ZNF563: variants seen among roughly 807,000 people sequenced by gnomAD.
The protein encoded by ZNF563 is zinc finger protein 563.
Under a neutral mutation model 48.5 loss-of-function variants are expected in ZNF563, and 39 were observed. The observed-to-expected ratio is 0.80, with a 90% CI of 0.62 to 1.05. The LOEUF (loss-of-function observed/expected upper bound fraction) is 1.05. Among genes scored for constraint, ZNF563 ranks in the 50% least tolerant of loss-of-function variants. The pLI, the probability that ZNF563 is intolerant of heterozygous loss-of-function variation, is 0.00. For missense variants in ZNF563, 538 were observed against 597.0 expected (o/e 0.90, Z 1.03); for synonymous variants, 168 against 187.9 (o/e 0.89, Z 0.87).
intron 2 of ZNF563, among the ~76,000 whole-genome samples, chr19:12,322,248 G>T (rs987781249): frequency 6.6e-6 from 1 of 151,970 alleles, no homozygotes; most frequent in Non-Finnish European, 1.5e-5. Flanking sequence ...TAGAGATGGG[G>T]TTTCACCACG....
chr19:12,320,078 C>T (rs1488459989), intron 3 of ZNF563, among the ~76,000 whole-genome samples: 1 of 152,082 alleles, frequency 6.6e-6, no homozygotes, highest in Non-Finnish European at 1.5e-5. Flanking sequence ...GCCACCACGC[C>T]CAGCTAATTT....
intron 1 of ZNF563, among the ~76,000 whole-genome samples, chr19:12,333,130 C>T (rs957603667): frequency 3.3e-5 from 5 of 152,186 alleles, no homozygotes; most frequent in African/African-American, 1.2e-4. Context: ...GATCACAGCT[C>T]CTCACAGGCA....
chr19:12,341,827 A>C, the ZNF563 span, among the ~76,000 whole-genome samples: 2 of 152,192 alleles, frequency 1.3e-5, no homozygotes, highest in Non-Finnish European at 2.9e-5. Flanking sequence ...TAAAGAAATG[A>C]AATAACTTCA....
chr19:12,333,617 T>A lies in ZNF563; in HGVS notation c.-135A>T. On this transcript the variant is annotated 5_prime_UTR_variant, in exon 1 of 4. Transcript: ENST00000293725. ...GAGGCTACACAGACGTTCCAGGGCG[T>A]CTCTCAGCGAGCGACTGAGTCTAGA... The A allele has an allele frequency of 7.5e-7, 1 of 1,340,208 alleles. No homozygotes were observed. Among genetic ancestry groups the A allele is most frequent in the South Asian group, 1.4e-5 (1 of 71,862 alleles). 83.0% of individuals were successfully genotyped at this position (1,340,208 alleles called of 1,614,324 possible). A position where few individuals can be genotyped will look rare whatever the true frequency, so the allele number is the denominator to read the frequency against.
chr19:12,334,762 G>A (rs552270221), upstream of ZNF563, among the ~76,000 whole-genome samples: 16 of 151,072 alleles, frequency 1.1e-4, no homozygotes, highest in African/African-American at 3.2e-4. Context: ...CCAGCTACTC[G>A]GGAGGCTGAG....
At chr19:12,328,786 TAATA>T (rs565783813) in intron 1 of ZNF563, among the ~76,000 whole-genome samples, 6 of 151,042 alleles carry the variant, frequency 4.0e-5, no homozygotes, top group African/African-American at 1.5e-4. Context: ...AATAAATAAA[TAATA>T]AATAAATAAA....
At chr19:12,340,746 C>T in the ZNF563 span, among the ~76,000 whole-genome samples, 1 of 151,846 alleles carries the variant, frequency 6.6e-6, no homozygotes, top group African/African-American at 2.4e-5. Flanking sequence ...CACTGCACTC[C>T]AGTCTGGGCG....
At chr19:12,334,624 T>C (rs891244091), upstream of ZNF563, among the ~76,000 whole-genome samples, 3 of 152,130 alleles carry the variant, frequency 2.0e-5, no homozygotes, top group African/African-American at 7.2e-5. Flanking sequence ...ATCCCAGCAC[T>C]TTGGGAGGCC....
intron 1 of ZNF563, 61 bp downstream of exon 1, chr19:12,333,419 G>A (rs1968972132): frequency 5.0e-6 from 8 of 1,606,650 alleles, no homozygotes; most frequent in Non-Finnish European, 6.8e-6. Context: ...GCCGCGGCCG[G>A]TTCTGGACGG....
At chr19:12,320,974 T>C (rs1968605426) in intron 3 of ZNF563, among the ~76,000 whole-genome samples, 1 of 151,828 alleles carries the variant, frequency 6.6e-6, no homozygotes, top group Non-Finnish European at 1.5e-5. Context: ...ACCCTGTCTC[T>C]ACAAAAAATA....
upstream of ZNF563, among the ~76,000 whole-genome samples, chr19:12,338,289 C>A (rs1969038970): frequency 6.6e-6 from 1 of 152,132 alleles, no homozygotes; most frequent in Admixed American, 6.5e-5. Context: ...GCTCTGACGC[C>A]CAGGCTGGAG....
chr19:12,342,879 G>A, the ZNF563 span, among the ~76,000 whole-genome samples: 8 of 152,140 alleles, frequency 5.3e-5, no homozygotes, highest in South Asian at 1.7e-3. Context: ...CAATGGCAGT[G>A]CTAAGAGAAA....
At chr19:12,332,074 GTATT>G (rs1338915536) in intron 1 of ZNF563, among the ~76,000 whole-genome samples, 1 of 152,138 alleles carries the variant, frequency 6.6e-6, no homozygotes, top group Admixed American at 6.5e-5. Flanking sequence ...TTAAAATACT[GTATT>G]TGTTTGAAAT....
chr19:12,340,416 A>C, the ZNF563 span, among the ~76,000 whole-genome samples: 1 of 152,196 alleles, frequency 6.6e-6, no homozygotes, highest in Non-Finnish European at 1.5e-5. Context: ...AGGTAGGACC[A>C]CTTCGGCTTA....
At chr19:12,341,295 G>A in the ZNF563 span, among the ~76,000 whole-genome samples, 4 of 152,010 alleles carry the variant, frequency 2.6e-5, no homozygotes, top group African/African-American at 4.8e-5. Flanking sequence ...CAAATGATCC[G>A]CCTGCCTCAG....
chr19:12,320,072 C>T (rs1046584592), intron 3 of ZNF563, among the ~76,000 whole-genome samples: 1 of 152,100 alleles, frequency 6.6e-6, no homozygotes, highest in East Asian at 1.9e-4. Flanking sequence ...GCATACGCCA[C>T]CACGCCCAGC....
Position 12,333,367 on chromosome 19 carries a change from G to A in ZNF563, c.3+113C>T, listed in dbSNP as rs541543172. 2.1e-5 allele frequency: 30 copies of A among 1,442,570 alleles called. No individual in the cohort carries two copies. The East Asian group carries it at 7.3e-4, about 35-fold the overall frequency. 89.4% of individuals were successfully genotyped at this position (1,442,570 alleles called of 1,614,324 possible). On this transcript the variant is annotated intron_variant, in intron 1 of 3. Coordinates refer to ENST00000293725, the MANE Select transcript of ZNF563 (RefSeq NM_145276.3). ...GGTCGAGCTGCGCCAGGGGGACTCGGGTCCCAGACCCCGGAGCTGACGGCG... is the reference window on the plus strand; with the variant it reads ...GGTCGAGCTGCGCCAGGGGGACTCGAGTCCCAGACCCCGGAGCTGACGGCG...
intron 1 of ZNF563, among the ~76,000 whole-genome samples, chr19:12,324,552 T>C (rs1192993850): frequency 2.0e-5 from 3 of 151,770 alleles, no homozygotes; most frequent in Non-Finnish European, 4.4e-5. Context: ...AACCTGTCTT[T>C]ACTAAAAATA....
chr19:12,324,720 GAAAAAAA>G (rs61639995), intron 1 of ZNF563, among the ~76,000 whole-genome samples: 5 of 56,792 alleles, frequency 8.8e-5, no homozygotes, highest in South Asian at 6.8e-4. Context: ...TCCGTCTCAA[GAAAAAAA>G]AAAAAAAAAA....
Sources: allele counts gnomAD v4.1 joint callset (sites outside exome capture counted in the v4.1 genomes callset), GRCh38; gene constraint gnomAD v4.1.1; transcripts MANE v1.5; gene names NCBI Gene and HGNC (gene_info 2026-07-23, HGNC 2026-07-21).